Variants in SOX6 observed in about 807,000 individuals in gnomAD.
SOX6 encodes the protein transcription factor SOX-6.
A neutral mutation model predicts 97.8 loss-of-function variants in SOX6; 11 were observed. That is an observed-to-expected ratio of 0.11 (90% CI 0.07 to 0.19). The LOEUF (loss-of-function observed/expected upper bound fraction) is 0.19. Among genes scored for constraint, SOX6 ranks in the 10% least tolerant of loss-of-function variants. SOX6 has a pLI of 1.00. For missense variants in SOX6, 810 were observed against 1,039.5 expected (o/e 0.78, Z 3.04); for synonymous variants, 360 against 371.4 (o/e 0.97, Z 0.35).
chr11:16,665,786 G>C (rs1339813764), intron 3 of SOX6, among the ~76,000 whole-genome samples: 1 of 152,194 alleles, frequency 6.6e-6, no homozygotes, highest in Non-Finnish European at 1.5e-5. Flanking sequence ...TCGCAGTGGT[G>C]GTGGCCACAG....
chr11:15,981,113 T>TGCTTTCCTA (rs1853641679), intron 15 of SOX6, among the ~76,000 whole-genome samples: 1 of 152,118 alleles, frequency 6.6e-6, no homozygotes, highest in South Asian at 2.1e-4. Context: ...TATCAGAAAT[T>TGCTTTCCTA]GCTTTCCTAA....
At chr11:16,422,107 C>A (rs1045458582) in intron 1 of SOX6, among the ~76,000 whole-genome samples, 2 of 151,786 alleles carry the variant, frequency 1.3e-5, no homozygotes, top group Admixed American at 1.3e-4. Flanking sequence ...TAAGGACATA[C>A]GAAAAAAATA....
At chr11:16,660,248 T>C (rs1847756335) in intron 3 of SOX6, among the ~76,000 whole-genome samples, 1 of 152,202 alleles carries the variant, frequency 6.6e-6, no homozygotes, top group South Asian at 2.1e-4. Context: ...ATGCATTTAA[T>C]GCTATAAATT....
intron 3 of SOX6, among the ~76,000 whole-genome samples, chr11:16,702,665 C>A (rs1463644048): frequency 6.6e-6 from 1 of 151,994 alleles, no homozygotes; most frequent in Admixed American, 6.6e-5. Flanking sequence ...CCATTAGTAT[C>A]CTCTCATTCC....
At chr11:16,560,208 T>C (rs1214285423) in intron 4 of SOX6, among the ~76,000 whole-genome samples, 1 of 152,138 alleles carries the variant, frequency 6.6e-6, no homozygotes, top group African/African-American at 2.4e-5. Flanking sequence ...CCAGTTAAAA[T>C]TGGAAGCTAG....
chr11:16,322,778 C>T (rs1420841844), intron 2 of SOX6, among the ~76,000 whole-genome samples: 1 of 152,162 alleles, frequency 6.6e-6, no homozygotes, highest in Non-Finnish European at 1.5e-5. Flanking sequence ...CCTGATCCCA[C>T]TTTAAGAAAT....
At chr11:16,115,144 G>A (rs1376802863) in intron 6 of SOX6, among the ~76,000 whole-genome samples, 1 of 152,124 alleles carries the variant, frequency 6.6e-6, no homozygotes, top group African/African-American at 2.4e-5. Context: ...TAAATAAGGA[G>A]GAGGTCAAAG....
At chr11:16,252,644 T>A (rs1468311857) in intron 3 of SOX6, 2 of 152,146 alleles carry the variant, frequency 1.3e-5, no homozygotes, top group African/African-American at 4.8e-5. Flanking sequence ...CACCACAACA[T>A]TCTGTTCTTT....
At chr11:16,717,296 C>A (rs78346907) in intron 2 of SOX6, among the ~76,000 whole-genome samples, 1,748 of 152,082 alleles carry the variant, frequency 0.011, 26 homozygotes, top group African/African-American at 0.04. Flanking sequence ...GGCCAAGATC[C>A]TATCAGTATC....
intron 3 of SOX6, among the ~76,000 whole-genome samples, chr11:16,666,208 A>C (rs1341970282): frequency 6.6e-6 from 1 of 152,242 alleles, no homozygotes; most frequent in Non-Finnish European, 1.5e-5. Flanking sequence ...ACATGACTTC[A>C]CCAAACAAAC....
chr11:16,084,648 A>T (rs1281298323), intron 9 of SOX6, among the ~76,000 whole-genome samples: 1 of 152,190 alleles, frequency 6.6e-6, no homozygotes, highest in African/African-American at 2.4e-5. Context: ...TGGAACCAAG[A>T]AGCACCACTT....
At chr11:16,549,368 C>G (rs1847656565) in intron 4 of SOX6, among the ~76,000 whole-genome samples, 1 of 140,636 alleles carries the variant, frequency 7.1e-6, no homozygotes, top group African/African-American at 2.7e-5. Context: ...GGGGTTTCTC[C>G]ATGTTGGTCA....
At chr11:16,593,925 T>C (rs1177127097) in intron 4 of SOX6, among the ~76,000 whole-genome samples, 1 of 152,026 alleles carries the variant, frequency 6.6e-6, no homozygotes, top group Non-Finnish European at 1.5e-5. Flanking sequence ...AAAGAAAAAA[T>C]TCATGTACAA....
rs562416200 is a variant in SOX6, at chr11:16,285,720, A to G, written c.445+32726T>C. 3.9e-5 allele frequency among the ~76,000 whole-genome samples: 6 copies of G among 152,264 alleles called. No homozygotes were observed. In the South Asian group the frequency reaches 1.2e-3, roughly 32 times the overall value. On this transcript the variant is annotated intron_variant, in intron 3 of 15. Transcript: ENST00000683767. The stretch of plus-strand genomic sequence containing the variant: ...TACACTTTCTATTATGCTGTATCCT[A>G]TGATCATCACAAAGACTCAGAGATA...
chr11:16,499,603 C>T (rs190611292), intron 4 of SOX6, among the ~76,000 whole-genome samples: 173 of 152,070 alleles, frequency 1.1e-3, no homozygotes, highest in African/African-American at 3.5e-3. Flanking sequence ...ATCAAATAGA[C>T]GCAATAAAAA....
intron 6 of SOX6, among the ~76,000 whole-genome samples, chr11:16,154,154 T>C (rs1217941844): frequency 6.6e-6 from 1 of 152,088 alleles, no homozygotes; most frequent in Non-Finnish European, 1.5e-5. Context: ...ATAGCAAAGA[T>C]AGCCTGAGGC....
chr11:16,639,154 C>A (rs940719618), intron 3 of SOX6, among the ~76,000 whole-genome samples: 11 of 152,178 alleles, frequency 7.2e-5, no homozygotes, highest in African/African-American at 2.7e-4. Context: ...TTTCCCAGCA[C>A]CATTTGTTAA....
chr11:16,373,346 C>T (rs986595125), intron 1 of SOX6, among the ~76,000 whole-genome samples: 2 of 152,054 alleles, frequency 1.3e-5, no homozygotes, highest in East Asian at 1.9e-4. Context: ...TCCAAGCAAA[C>T]GGGTCCTTCT....
At chr11:16,159,347 T>C (rs1296298168) in intron 6 of SOX6, among the ~76,000 whole-genome samples, 1 of 152,118 alleles carries the variant, frequency 6.6e-6, no homozygotes, top group Non-Finnish European at 1.5e-5. Flanking sequence ...TTCTTATATT[T>C]CTTATCTTTT....
Sources: allele counts gnomAD v4.1 joint callset (sites outside exome capture counted in the v4.1 genomes callset), GRCh38; gene constraint gnomAD v4.1.1; transcripts MANE v1.5; gene names NCBI Gene and HGNC (gene_info 2026-07-23, HGNC 2026-07-21).